HIRA: variants seen among roughly 807,000 people sequenced by gnomAD.
HIRA encodes histone cell cycle regulator.
HIRA carries 13 observed loss-of-function variants against 126.6 expected under a neutral mutation model. The ratio of observed to expected loss-of-function variants is 0.10; its 90% CI spans 0.07 to 0.16. The LOEUF (loss-of-function observed/expected upper bound fraction) is 0.16. Among genes scored for constraint, HIRA ranks in the 10% least tolerant of loss-of-function variants. The pLI is 1.00. For missense variants in HIRA, 834 were observed against 1,314.4 expected (o/e 0.63, Z 5.65); for synonymous variants, 511 against 520.0 (o/e 0.98, Z 0.24).
chr22:19,338,425 CA>C (rs1293752930), intron 24 of HIRA, among the ~76,000 whole-genome samples: 1 of 144,694 alleles, frequency 6.9e-6, no homozygotes, highest in Non-Finnish European at 1.5e-5. Context: ...AAAAAACCAA[CA>C]AAAAAAGAAG....
intron 9 of HIRA, among the ~76,000 whole-genome samples, chr22:19,390,589 G>A (rs1490524514): frequency 1.5e-5 from 1 of 68,764 alleles, no homozygotes; most frequent in Non-Finnish European, 3.0e-5. Context: ...GCAATAGAGG[G>A]AGACTCTGTC....
In HIRA at chr22:19,359,503, C is replaced by A; in HGVS notation, c.2086-19G>T. ...AGCTGACCTGGATGAAGTAAACACA[C>A]GGGTCTGCTCAGACAAGGGCCGCAG... On this transcript the variant is annotated intron_variant, in intron 17 of 24. Coordinates refer to ENST00000263208, the MANE Select transcript of HIRA (RefSeq NM_003325.4). 3.2e-6 allele frequency: 5 copies of A among 1,583,058 alleles called. No individual in the cohort carries two copies. The highest frequency in any genetic ancestry group is 4.3e-6 in the Non-Finnish European group (5 of 1,164,710).
intron 17 of HIRA, among the ~76,000 whole-genome samples, 175 bp from the exon 18 acceptor site, chr22:19,359,659 G>A (rs2088846132): frequency 6.6e-6 from 1 of 152,212 alleles, no homozygotes; most frequent in South Asian, 2.1e-4. Context: ...GAGGCCCAGA[G>A]GGCCAGACAT....
intron 24 of HIRA, among the ~76,000 whole-genome samples, chr22:19,350,088 A>G (rs2088738726): frequency 6.7e-6 from 1 of 150,244 alleles, no homozygotes; most frequent in Admixed American, 6.6e-5. Flanking sequence ...GGCCTTTCTT[A>G]ATTGCCCAGC....
In HIRA at chr22:19,351,388, G is replaced by A; in HGVS notation, c.2907C>T (p.Ser969=). The A allele has an allele frequency of 2.5e-6, 4 of 1,613,438 alleles. No individual in the cohort carries two copies. Among genetic ancestry groups the A allele is most frequent in the Non-Finnish European group, 2.5e-6 (3 of 1,179,652 alleles). Reference sequence around the variant, plus strand: ...CTGTTGACTCCCACTGGCTTCCAGTGGAGTAGTGAACCGGACCCAGTAAGT... The same window carrying A: ...CTGTTGACTCCCACTGGCTTCCAGTAGAGTAGTGAACCGGACCCAGTAAGT... ...CKDLLGPVHY[S]TGSQWESTVV... Residue 969 remains serine, a synonymous_variant, in exon 24 of 25, where the codon TCC becomes TCT. Coordinates refer to ENST00000263208, the MANE Select transcript of HIRA (RefSeq NM_003325.4). This position sits in a 1 kb window ranked among gnomAD's most constrained non-coding sequence, Gnocchi z 4.8.
At chr22:19,408,668 A>G (rs1261628746) in intron 2 of HIRA, 75 bp from the exon 3 acceptor site, 2 of 821,252 alleles carry the variant, frequency 2.4e-6, no homozygotes, top group Non-Finnish European at 4.2e-6. Flanking sequence ...GTCAAATTAA[A>G]TTAGGAGAAG....
At chr22:19,362,046 C>T (rs986832853) in intron 15 of HIRA, 115 bp from the exon 16 acceptor site, 4 of 963,410 alleles carry the variant, frequency 4.2e-6, no homozygotes, top group African/African-American at 1.6e-5. Context: ...ATTCTGTGTC[C>T]AGTGAAATTA....
chr22:19,385,530 A>G lies in HIRA; in HGVS notation c.1320T>C (p.Asp440=). ...CAGGCAGGGCTCTCACCTTCCTGAT[A>G]TCTTCAAGACTCTCCCCGTTGACAA... is the stretch of plus-strand genomic sequence containing the variant. The part of the protein sequence containing the change: ...AGVVNGESLE[D]IRKNLLKKQV... The change falls in exon 12 of 25, where the codon GAT becomes GAC. Residue 440 remains aspartate, a synonymous_variant. Coordinates refer to ENST00000263208, the MANE Select transcript of HIRA (RefSeq NM_003325.4). The G allele has an allele frequency of 6.2e-7, 1 of 1,613,748 alleles. No homozygotes were observed. Among genetic ancestry groups the G allele is most frequent in the Non-Finnish European group, 8.5e-7 (1 of 1,179,798 alleles).
intron 15 of HIRA, among the ~76,000 whole-genome samples, chr22:19,370,107 C>G (rs534923052): frequency 6.6e-6 from 1 of 152,252 alleles, no homozygotes; most frequent in South Asian, 2.1e-4. Context: ...CTCGCCACTA[C>G]ACTTGGCTAA....
chr22:19,383,231 C>T (rs962671235), intron 13 of HIRA, among the ~76,000 whole-genome samples: 1 of 151,736 alleles, frequency 6.6e-6, no homozygotes. Flanking sequence ...CTTCTTTGGG[C>T]TTTTACTATT....
rs375105424 is a variant in HIRA, at chr22:19,385,562, C to A, written c.1288G>T (p.Ala430Ser). 1 of 1,614,010 alleles carries A rather than the reference C, an allele frequency of 6.2e-7. No individual in the cohort carries two copies. The highest frequency in any genetic ancestry group is 2.2e-5 in the East Asian group (1 of 44,904). ...AGACTCTCCCCGTTGACAACGCCTG[C>A]GACTGAGGTGGCTGAGCCCATCTCC... ...TREMGSATSV[A>S]GVVNGESLED... The change falls in exon 12 of 25, where the codon GCA becomes TCA. Residue 430 changes from alanine to serine, a missense_variant. Physicochemically the swap from Ala to Ser is moderately conservative, Grantham distance 99. Coordinates refer to ENST00000263208, the MANE Select transcript of HIRA (RefSeq NM_003325.4).
At chr22:19,405,747 G>T in intron 5 of HIRA, 39 bp downstream of exon 5, 1 of 1,327,556 alleles carries the variant, frequency 7.5e-7, no homozygotes, top group Non-Finnish European at 9.9e-7. Context: ...TGAGCCAGGT[G>T]TCAGGGGCCC....
intron 4 of HIRA, 72 bp from the exon 5 acceptor site, chr22:19,405,952 C>T: frequency 4.1e-6 from 4 of 978,244 alleles, no homozygotes; most frequent in Non-Finnish European, 5.6e-6. Flanking sequence ...TCCCTGCAGC[C>T]AGCTTATCAG....
intron 24 of HIRA, among the ~76,000 whole-genome samples, chr22:19,349,384 T>G (rs1556010124): frequency 6.6e-6 from 1 of 152,200 alleles, no homozygotes; most frequent in East Asian, 1.9e-4. Context: ...ATTACAGGCA[T>G]GAGCCACTGT....
intron 15 of HIRA, among the ~76,000 whole-genome samples, chr22:19,368,124 C>G (rs955233821): frequency 5.3e-5 from 8 of 152,228 alleles, no homozygotes; most frequent in Non-Finnish European, 1.0e-4. Context: ...TGCCTTCCCA[C>G]TGCTAACCAG....
chr22:19,368,595 T>C (rs959996258), intron 15 of HIRA, among the ~76,000 whole-genome samples: 4 of 152,166 alleles, frequency 2.6e-5, no homozygotes, highest in Admixed American at 1.3e-4. Context: ...AAATGGAATA[T>C]TAGCTTGTTC....
intron 5 of HIRA, among the ~76,000 whole-genome samples, chr22:19,400,505 T>C (rs2089259177): frequency 6.6e-6 from 1 of 152,244 alleles, no homozygotes; most frequent in Non-Finnish European, 1.5e-5. Flanking sequence ...ACTGGAACTT[T>C]GAATGTTTTC....
At chr22:19,390,591 G>A (rs1225446797) in intron 9 of HIRA, among the ~76,000 whole-genome samples, 1 of 44,802 alleles carries the variant, frequency 2.2e-5, no homozygotes. Context: ...AATAGAGGGA[G>A]ACTCTGTCTC....
In HIRA at chr22:19,431,532, C is replaced by T. The variant is rs2089539473; in HGVS notation, c.-56G>A. The T allele has an allele frequency of 4.8e-6, 7 of 1,456,142 alleles. No individual in the cohort carries two copies. Among genetic ancestry groups the T allele is most frequent in the Non-Finnish European group, 6.4e-6 (7 of 1,096,956 alleles). 90.2% of individuals were successfully genotyped at this position (1,456,142 alleles called of 1,614,324 possible). On this transcript the variant is annotated 5_prime_UTR_variant, in exon 1 of 25. Transcript: ENST00000263208. ...CGAGCGCCGGGTCCCTCAGCGCGCCCGGGCCATGGAGCCACCGCCGCCGCT... is the reference window on the plus strand; with the variant it reads ...CGAGCGCCGGGTCCCTCAGCGCGCCTGGGCCATGGAGCCACCGCCGCCGCT...
Sources: allele counts gnomAD v4.1 joint callset (sites outside exome capture counted in the v4.1 genomes callset), GRCh38; gene constraint gnomAD v4.1.1; non-coding constraint Gnocchi (gnomAD v3.1); transcripts MANE v1.5; gene names NCBI Gene and HGNC (gene_info 2026-07-23, HGNC 2026-07-21).